The following DAB1 variants were observed in gnomAD, a reference collection of about 807,000 sequenced individuals.
DAB1 encodes disabled homolog 1.
In DAB1, 15 loss-of-function variants were observed where a neutral mutation model predicts 64.6. The ratio of observed to expected loss-of-function variants is 0.23; its 90% confidence interval spans 0.16 to 0.36. The LOEUF is 0.36. Among genes scored for constraint, DAB1 ranks in the 10% least tolerant of loss-of-function variants. The pLI, the probability that DAB1 is intolerant of heterozygous loss-of-function variation, is 1.00. For missense variants in DAB1, 596 were observed against 706.7 expected (o/e 0.84, Z 1.78); for synonymous variants, 235 against 251.9 (o/e 0.93, Z 0.64).
intron 5 of DAB1, among the ~76,000 whole-genome samples, chr1:57,915,480 C>T (rs1644712629): frequency 6.6e-6 from 1 of 152,086 alleles, no homozygotes; most frequent in Non-Finnish European, 1.5e-5. Flanking sequence ...AATCTTACTC[C>T]AGCTGCACTA....
chr1:57,571,725 AG>A (rs1464588844), intron 7 of DAB1, among the ~76,000 whole-genome samples: 1 of 152,194 alleles, frequency 6.6e-6, no homozygotes, highest in African/African-American at 2.4e-5. Context: ...GCAAAATAGC[AG>A]GGGAAAGCTG....
intron 6 of DAB1, among the ~76,000 whole-genome samples, chr1:57,797,649 C>G (rs563143533): frequency 2.0e-5 from 3 of 152,196 alleles, no homozygotes; most frequent in African/African-American, 2.4e-5. Flanking sequence ...ATTCCTTACA[C>G]GTATAAAAGA....
chr1:58,471,373 C>T (rs1183701674), intron 3 of DAB1, among the ~76,000 whole-genome samples: 2 of 152,160 alleles, frequency 1.3e-5, no homozygotes, highest in Admixed American at 1.3e-4. Flanking sequence ...TGTTCTCTTT[C>T]TTTTTCATCA....
intron 6 of DAB1, among the ~76,000 whole-genome samples, chr1:57,780,582 A>G (rs1385317523): frequency 9.2e-6 from 1 of 108,650 alleles, no homozygotes; most frequent in Non-Finnish European, 2.2e-5. Context: ...GTGGAAGACA[A>G]AAAAGAAAAA....
At chr1:58,099,914 T>C (rs1481018708) in intron 5 of DAB1, among the ~76,000 whole-genome samples, 1 of 152,176 alleles carries the variant, frequency 6.6e-6, no homozygotes, top group African/African-American at 2.4e-5. Context: ...TCCCTTTCCT[T>C]GGGACACTTT....
chr1:57,681,705 C>T (rs946625499), intron 6 of DAB1, among the ~76,000 whole-genome samples: 1 of 152,096 alleles, frequency 6.6e-6, no homozygotes, highest in African/African-American at 2.4e-5. Context: ...TTAAAATTCT[C>T]TGAAAAATAG....
intron 4 of DAB1, among the ~76,000 whole-genome samples, chr1:58,233,976 A>G (rs910648946): frequency 1.3e-5 from 2 of 152,236 alleles, no homozygotes; most frequent in African/African-American, 4.8e-5. Context: ...AGTGACAGCC[A>G]CACACAAAGT....
intron 7 of DAB1, among the ~76,000 whole-genome samples, chr1:57,640,878 C>G (rs564893057): frequency 2.0e-5 from 3 of 152,144 alleles, no homozygotes; most frequent in Admixed American, 1.3e-4. Flanking sequence ...TCAGGAAAGT[C>G]TTTTTATTTT....
chr1:58,030,402 G>A (rs990950076), intron 5 of DAB1, among the ~76,000 whole-genome samples: 2 of 151,902 alleles, frequency 1.3e-5, no homozygotes, highest in Non-Finnish European at 2.9e-5. Flanking sequence ...TATTTTTAAG[G>A]TGAGGAGGCA....
At chr1:57,485,211 C>T (rs1056348253) in intron 7 of DAB1, among the ~76,000 whole-genome samples, 2 of 124,206 alleles carry the variant, frequency 1.6e-5, no homozygotes, top group African/African-American at 6.7e-5. Flanking sequence ...GTCATGAGGA[C>T]AATGATGGTG....
At chr1:57,057,780 T>A (rs936437270) in intron 9 of DAB1, among the ~76,000 whole-genome samples, 4 of 40,292 alleles carry the variant, frequency 9.9e-5, no homozygotes, top group East Asian at 9.5e-4. Flanking sequence ...GCTAATTTTT[T>A]TGTATTTTTA....
At chr1:58,514,376 T>C (rs953510686) in intron 2 of DAB1, among the ~76,000 whole-genome samples, 8 of 152,308 alleles carry the variant, frequency 5.3e-5, no homozygotes, top group Admixed American at 5.2e-4. Context: ...TAAATAGATC[T>C]AGACCAAGTA....
intron 1 of DAB1, among the ~76,000 whole-genome samples, chr1:57,373,546 A>G (rs1680664480): frequency 6.6e-6 from 1 of 152,162 alleles, no homozygotes; most frequent in African/African-American, 2.4e-5. Flanking sequence ...TTGCAGTTAC[A>G]AGTGCAAAAC....
chr1:57,028,770 A>C (rs1371966199), intron 9 of DAB1, among the ~76,000 whole-genome samples: 2 of 152,126 alleles, frequency 1.3e-5, no homozygotes, highest in African/African-American at 4.8e-5. Context: ...TGGAACTTTG[A>C]ATTTGAGAGA....
At chr1:57,212,137 A>G (rs1666059636) in intron 2 of DAB1, among the ~76,000 whole-genome samples, 1 of 152,068 alleles carries the variant, frequency 6.6e-6, no homozygotes, top group South Asian at 2.1e-4. Flanking sequence ...TCCTAAACCT[A>G]TATTCTCTAC....
At chr1:58,078,880 G>A (rs755569521) in intron 5 of DAB1, among the ~76,000 whole-genome samples, 1 of 152,122 alleles carries the variant, frequency 6.6e-6, no homozygotes, top group Non-Finnish European at 1.5e-5. Flanking sequence ...GAATTTGGGA[G>A]ACTTGGTTTT....
intron 4 of DAB1, among the ~76,000 whole-genome samples, chr1:58,293,291 C>T (rs1328291096): frequency 2.6e-5 from 4 of 152,230 alleles, no homozygotes; most frequent in South Asian, 2.1e-4. Flanking sequence ...CCGAAACCTT[C>T]TTCATCTTTG....
chr1:57,140,519 C>T (rs1346668272), intron 3 of DAB1, among the ~76,000 whole-genome samples: 1 of 152,106 alleles, frequency 6.6e-6, no homozygotes, highest in Non-Finnish European at 1.5e-5. Flanking sequence ...TAAAAAATGA[C>T]CAATGATGCA....
intron 5 of DAB1, among the ~76,000 whole-genome samples, chr1:57,949,288 G>A (rs1307266530): frequency 1.3e-5 from 2 of 152,176 alleles, no homozygotes; most frequent in African/African-American, 2.4e-5. Flanking sequence ...AATAGGGTTT[G>A]TGCTCCTATA....
Sources: allele counts gnomAD v4.1 joint callset (sites outside exome capture counted in the v4.1 genomes callset), GRCh38; gene constraint gnomAD v4.1.1; transcripts MANE v1.5; gene names NCBI Gene and HGNC (gene_info 2026-07-23, HGNC 2026-07-21).